MEI1: variants seen among roughly 807,000 people sequenced by gnomAD.
The protein encoded by MEI1 is meiotic double-stranded break formation protein 1.
A neutral mutation model predicts 146.2 loss-of-function variants in MEI1; 103 were observed. The ratio of observed to expected loss-of-function variants is 0.70; its 90% confidence interval spans 0.60 to 0.83. MEI1 has a LOEUF of 0.83. Ranked by LOEUF, MEI1 falls within the 40% of genes least tolerant of loss-of-function variation. MEI1 has a pLI of 0.00. For missense variants in MEI1, 1,529 were observed against 1,533.0 expected (o/e 1.00, Z 0.04); for synonymous variants, 652 against 628.2 (o/e 1.04, Z -0.57).
At chr22:41,771,073 C>G (rs2148050657) in intron 20 of MEI1, 112 bp downstream of exon 20, 1 of 1,177,814 alleles carries the variant, frequency 8.5e-7, no homozygotes, top group East Asian at 2.3e-5. Flanking sequence ...CACCTCCAGA[C>G]TTATCACTGT....
At chr22:41,705,639 T>C in intron 3 of MEI1, 85 bp downstream of exon 3, 1 of 1,200,514 alleles carries the variant, frequency 8.3e-7, no homozygotes, top group Non-Finnish European at 1.2e-6. Flanking sequence ...CTTGGCGAAA[T>C]TGTCTGTTTA....
chr22:41,785,289 G>A (rs1050573391), intron 26 of MEI1, among the ~76,000 whole-genome samples: 1 of 147,506 alleles, frequency 6.8e-6, no homozygotes, highest in Non-Finnish European at 1.5e-5. Flanking sequence ...TTTAGACGGA[G>A]TCTAGCTCTG....
At chr22:41,722,333 T>C (rs550355440) in intron 6 of MEI1, among the ~76,000 whole-genome samples, 9 of 152,220 alleles carry the variant, frequency 5.9e-5, no homozygotes, top group Admixed American at 2.6e-4. Context: ...GGACCTGTTC[T>C]ATTGCCCAGG....
intron 18 of MEI1, among the ~76,000 whole-genome samples, chr22:41,759,040 G>A (rs112009095): frequency 0.013 from 2,051 of 152,236 alleles, 49 homozygotes; most frequent in African/African-American, 0.047. Flanking sequence ...CTACTCTGGA[G>A]GCTGAGACAG....
intron 9 of MEI1, among the ~76,000 whole-genome samples, chr22:41,731,265 A>T (rs1233074287): frequency 6.6e-6 from 1 of 151,814 alleles, no homozygotes; most frequent in African/African-American, 2.4e-5. Flanking sequence ...ATGTTGTCCA[A>T]GCTGGTCTCA....
At chr22:41,738,854 A>G (rs779274404) in intron 11 of MEI1, among the ~76,000 whole-genome samples, 1 of 151,550 alleles carries the variant, frequency 6.6e-6, no homozygotes, top group Non-Finnish European at 1.5e-5. Flanking sequence ...TATGGTCCCA[A>G]CTACTTGGGA....
At chr22:41,789,197 A>G (rs954766231) in intron 26 of MEI1, among the ~76,000 whole-genome samples, 2 of 152,164 alleles carry the variant, frequency 1.3e-5, no homozygotes, top group African/African-American at 4.8e-5. Context: ...CTGTAATCCC[A>G]GCTACTTGGG....
chr22:41,746,658 ACCT>A (rs2073310298), intron 14 of MEI1, among the ~76,000 whole-genome samples: 3 of 151,998 alleles, frequency 2.0e-5, no homozygotes, highest in Non-Finnish European at 4.4e-5. Context: ...TGGATGAGTA[ACCT>A]CCTGCTTGAG....
intron 26 of MEI1, among the ~76,000 whole-genome samples, chr22:41,789,591 C>G (rs76357775): frequency 0.012 from 1,775 of 152,284 alleles, 40 homozygotes; most frequent in African/African-American, 0.041. Flanking sequence ...ATCTCTAGAT[C>G]TTTTCATCTT....
rs1162215053 is a variant in MEI1 at position 41,795,866 on chromosome 22, A to G, written c.3779+19A>G. The G allele has an allele frequency of 3.1e-6, 5 of 1,612,670 alleles. No homozygotes were observed. The highest frequency in any genetic ancestry group is 2.7e-5 in the African/African-American group (2 of 74,766). ...ACATGCTGTATCCTTTCTTGCATCT[A>G]TGATGAAGGAGATGCCAAATCACTG... On this transcript the variant is annotated intron_variant, in intron 30 of 30. Coordinates refer to ENST00000401548, the MANE Select transcript of MEI1 (RefSeq NM_152513.4). This position sits in a 1 kb window ranked among gnomAD's most constrained non-coding sequence, Gnocchi z 4.2.
chr22:41,708,272 A>G (rs1476999916), intron 3 of MEI1, among the ~76,000 whole-genome samples: 1 of 152,186 alleles, frequency 6.6e-6, no homozygotes, highest in Non-Finnish European at 1.5e-5. Context: ...TCAAAACGAT[A>G]TAGTTAATAT....
chr22:41,699,682 G>A lies in MEI1; in HGVS notation c.144G>A (p.Ala48=). Reference sequence around the variant, plus strand: ...CCCCCCGCCTGTGCCTGGCCTGCGCGCTGGAGCTGCTGCCGGACCCCGGCG... The same window carrying A: ...CCCCCCGCCTGTGCCTGGCCTGCGCACTGGAGCTGCTGCCGGACCCCGGCG... ...PVTPRLCLAC[A]LELLPDPGVS... Residue 48 remains alanine (A), a synonymous_variant, in exon 1 of 31, where the codon GCG becomes GCA. Transcript: ENST00000401548. The A allele has an allele frequency of 6.3e-7, 1 of 1,587,454 alleles. No homozygotes were observed.
chr22:41,715,656 A>G (rs1318775895), intron 4 of MEI1, among the ~76,000 whole-genome samples: 2 of 152,010 alleles, frequency 1.3e-5, no homozygotes, highest in East Asian at 3.9e-4. Flanking sequence ...CGGCCTCCCA[A>G]AATGCTGGGA....
At position 41,763,943 on chromosome 22, in the gene MEI1, CTTTT is replaced by C. The variant is rs71184839; in HGVS notation, c.2268+640_2268+643del. Among the ~76,000 whole-genome samples, 380 of 91,562 alleles carry C rather than the reference CTTTT, an allele frequency of 4.2e-3. 1 individual carries two copies. Among genetic ancestry groups the C allele is most frequent in the African/African-American group, 0.015 (357 of 24,602 alleles). 60.1% of individuals were successfully genotyped at this position (91,562 alleles called of 152,430 possible). A position where few individuals can be genotyped will look rare whatever the true frequency, so the allele number is the denominator to read the frequency against. On this transcript the variant is annotated intron_variant, in intron 19 of 30. Coordinates refer to ENST00000401548, the MANE Select transcript of MEI1 (RefSeq NM_152513.4). ...TGAATAGTTAATGAGGGGAAGTTTC[CTTTT>C]TTTTTTTTTTTTTTTTTGAGACGGA...
chr22:41,775,928 C>T (rs979460149), intron 20 of MEI1, 174 bp from the exon 21 acceptor site: 84 of 588,746 alleles, frequency 1.4e-4, no homozygotes, highest in Non-Finnish European at 6.5e-5. Flanking sequence ...GGTTTTGAGG[C>T]GTCAGTGCAC....
rs1202120306 is a variant in MEI1, at chr22:41,752,735, G to A, written c.1853+84G>A. 7 of 1,251,252 alleles carry A rather than the reference G, an allele frequency of 5.6e-6. No individual in the cohort carries two copies. In the Admixed American group the frequency reaches 7.9e-5, roughly 14 times the overall value. The allele number at this position is 1,251,252 out of a possible 1,614,324, so 77.5% of individuals were successfully genotyped here. A position where few individuals can be genotyped will look rare whatever the true frequency, so the allele number is the denominator to read the frequency against. On this transcript the variant is annotated intron_variant, in intron 16 of 30. Coordinates refer to ENST00000401548, the MANE Select transcript of MEI1 (RefSeq NM_152513.4). ...ACAAGTGGGAATTGTTGGCTGGTGT[G>A]TTTTAGTCATGGGCTCATGGTGGTG...
intron 6 of MEI1, among the ~76,000 whole-genome samples, chr22:41,718,948 T>C (rs908329437): frequency 6.6e-6 from 1 of 151,264 alleles, no homozygotes; most frequent in African/African-American, 2.4e-5. Context: ...CTCAGCTCAC[T>C]GCAACCTCTA....
At chr22:41,766,614 A>G (rs1180092403) in intron 19 of MEI1, among the ~76,000 whole-genome samples, 1 of 152,062 alleles carries the variant, frequency 6.6e-6, no homozygotes, top group Non-Finnish European at 1.5e-5. Context: ...TGGTGTGATC[A>G]CAACTCCCTG....
intron 8 of MEI1, 41 bp from the exon 9 acceptor site, chr22:41,730,480 A>T (rs775039635): frequency 5.1e-6 from 7 of 1,374,344 alleles, no homozygotes; most frequent in Admixed American, 1.7e-5. Flanking sequence ...TCGTGATCAC[A>T]TGGCTGTCAT....
Sources: gnomAD v4.1 joint callset for allele counts (sites outside exome capture counted in the v4.1 genomes callset) on GRCh38, gnomAD v4.1.1 for gene constraint, Gnocchi (gnomAD v3.1) non-coding constraint, MANE v1.5 for transcripts, NCBI Gene and HGNC (gene_info 2026-07-23, HGNC 2026-07-21) for gene names.